The following ABCG2 variants were observed in gnomAD, a reference collection of about 807,000 sequenced individuals.
ABCG2 encodes the protein broad substrate specificity ATP-binding cassette transporter ABCG2.
A neutral mutation model predicts 73.5 loss-of-function variants in ABCG2; 80 were observed. The observed-to-expected ratio is 1.09, with a 90% CI of 0.91 to 1.31. The LOEUF (loss-of-function observed/expected upper bound fraction) is 1.31. Ranked by LOEUF, ABCG2 falls within the 50% of genes most tolerant of loss-of-function variation. The pLI is 0.00. For missense variants in ABCG2, 796 were observed against 786.2 expected (o/e 1.01, Z -0.15); for synonymous variants, 269 against 282.4 (o/e 0.95, Z 0.48).
chr4:88,141,727 C>T (rs1372408371), intron 1 of ABCG2, among the ~76,000 whole-genome samples: 1 of 152,048 alleles, frequency 6.6e-6, no homozygotes, highest in Non-Finnish European at 1.5e-5. Context: ...ATTCACGAAT[C>T]ATAAGTTTAA....
At chr4:88,128,335 T>C (rs1365263151) in intron 5 of ABCG2, among the ~76,000 whole-genome samples, 1 of 152,206 alleles carries the variant, frequency 6.6e-6, no homozygotes, top group African/African-American at 2.4e-5. Flanking sequence ...GAGTGTAAAT[T>C]AGTTCAACCA....
chr4:88,120,479 G>T (rs1218472088), intron 6 of ABCG2, among the ~76,000 whole-genome samples: 1 of 152,186 alleles, frequency 6.6e-6, no homozygotes, highest in East Asian at 1.9e-4. Flanking sequence ...AAATCCACAA[G>T]GCCAGAGCCT....
At chr4:88,176,284 T>C (rs779041435) in intron 1 of ABCG2, among the ~76,000 whole-genome samples, 15 of 151,954 alleles carry the variant, frequency 9.9e-5, no homozygotes, top group Non-Finnish European at 1.9e-4. Flanking sequence ...TGTGAGCCAC[T>C]GTACCCAGCC....
intron 1 of ABCG2, among the ~76,000 whole-genome samples, chr4:88,219,156 A>G (rs1306753143): frequency 6.6e-6 from 1 of 152,224 alleles, no homozygotes; most frequent in East Asian, 1.9e-4. Flanking sequence ...TTTGATTTTT[A>G]CTTTTGAGTA....
chr4:88,126,513 A>T (rs948769677), intron 5 of ABCG2, among the ~76,000 whole-genome samples: 5 of 152,220 alleles, frequency 3.3e-5, no homozygotes, highest in African/African-American at 1.2e-4. Context: ...ATCAACATCA[A>T]TGTGAATATC....
intron 1 of ABCG2, among the ~76,000 whole-genome samples, chr4:88,226,342 G>C (rs544519871): frequency 3.3e-5 from 5 of 152,292 alleles, no homozygotes; most frequent in African/African-American, 1.2e-4. Context: ...TGACAGCCCA[G>C]GACAATTAGT....
chr4:88,230,674 T>C (rs192062019), intron 1 of ABCG2, among the ~76,000 whole-genome samples: 79 of 152,186 alleles, frequency 5.2e-4, no homozygotes, highest in Admixed American at 1.4e-3. Flanking sequence ...ACATAAATCA[T>C]GTGTTCAGCC....
intron 12 of ABCG2, among the ~76,000 whole-genome samples, 162 bp downstream of exon 12, chr4:88,099,162 C>G (rs1022419423): frequency 1.2e-4 from 19 of 152,174 alleles, no homozygotes; most frequent in Non-Finnish European, 2.6e-4. Flanking sequence ...AAATAGCTGA[C>G]AGTGAACAAC....
chr4:88,135,386 G>T (rs927209282), intron 2 of ABCG2, among the ~76,000 whole-genome samples: 1 of 152,176 alleles, frequency 6.6e-6, no homozygotes, highest in African/African-American at 2.4e-5. Context: ...CATGAACCTG[G>T]AACACAGGGA....
chr4:88,143,257 C>T (rs949715825), intron 1 of ABCG2, among the ~76,000 whole-genome samples: 2 of 152,136 alleles, frequency 1.3e-5, no homozygotes, highest in Non-Finnish European at 2.9e-5. Context: ...GTATGGACTT[C>T]ACACCTTTAC....
At chr4:88,181,306 A>G (rs1560741399) in intron 1 of ABCG2, among the ~76,000 whole-genome samples, 1 of 150,204 alleles carries the variant, frequency 6.7e-6, no homozygotes, top group East Asian at 2.0e-4. Context: ...AGGCTGAGGC[A>G]GGAGAATTGC....
intron 1 of ABCG2, among the ~76,000 whole-genome samples, chr4:88,177,800 T>C (rs1292136867): frequency 6.6e-6 from 1 of 152,050 alleles, no homozygotes; most frequent in African/African-American, 2.4e-5. Context: ...GGACTTCGCA[T>C]TGGAACTCAG....
rs770985871 is a variant in ABCG2 at position 88,131,188 on chromosome 4, G to A, written c.404C>T (p.Thr135Met). 36 of 1,613,760 alleles carry A rather than the reference G, an allele frequency of 2.2e-5. No individual in the cohort carries two copies. In the East Asian group the frequency reaches 2.5e-4, roughly 11 times the overall value. ...VQDDVVMGTL[T>M]VRENLQFSAA... Reference sequence around the variant, plus strand: ...TGAGAACTGTAAGTTTTCTCTCACCGTCAGAGTGCCCATCACAACATCATC... The same window carrying A: ...TGAGAACTGTAAGTTTTCTCTCACCATCAGAGTGCCCATCACAACATCATC... The change falls in exon 5 of 16, where the codon ACG becomes ATG. Residue 135 changes from threonine (T) to methionine (M), a missense_variant. Transcript: ENST00000237612.
chr4:88,139,880 A>G lies in ABCG2; in HGVS notation c.116T>C (p.Phe39Ser). The change falls in exon 2 of 16, where the codon TTT becomes TCT. Residue 39 changes from phenylalanine (F) to serine (S), a missense_variant. By Grantham distance (155) the Phe-to-Ser change is radical. Transcript: ENST00000237612. The stretch of plus-strand genomic sequence containing the variant: ...TTTTACTCGATAGCAGATGTTATGA[A>G]AACTTAACACAGCTCCTTCAGTAAA... ...KAFTEGAVLS[F>S]HNICYRVKLK... 6.2e-7 allele frequency: 1 copy of G among 1,614,190 alleles called. No individual in the cohort carries two copies. The highest frequency in any genetic ancestry group is 8.5e-7 in the Non-Finnish European group (1 of 1,180,034).
chr4:88,199,723 G>C (rs1294702829), intron 1 of ABCG2, among the ~76,000 whole-genome samples: 1 of 152,212 alleles, frequency 6.6e-6, no homozygotes, highest in African/African-American at 2.4e-5. Context: ...ATTTAGGCCG[G>C]GCGCAGTGGC....
chr4:88,139,743 T>C (rs1192693916), intron 2 of ABCG2, 50 bp downstream of exon 2: 2 of 1,534,056 alleles, frequency 1.3e-6, no homozygotes, highest in Non-Finnish European at 1.8e-6. Context: ...CCTGTGAGGT[T>C]CACTGTAGGT....
chr4:88,200,455 C>T (rs1729111825), intron 1 of ABCG2, among the ~76,000 whole-genome samples: 1 of 152,034 alleles, frequency 6.6e-6, no homozygotes, highest in African/African-American at 2.4e-5. Flanking sequence ...AGGCATTGGC[C>T]ACCATGTGTA....
intron 5 of ABCG2, among the ~76,000 whole-genome samples, chr4:88,122,252 C>A (rs1156971766): frequency 6.6e-6 from 1 of 152,150 alleles, no homozygotes; most frequent in Non-Finnish European, 1.5e-5. Context: ...TGGGCAGACA[C>A]TGAGACAGCT....
chr4:88,207,301 T>A (rs1729417080), intron 1 of ABCG2, among the ~76,000 whole-genome samples: 1 of 150,670 alleles, frequency 6.6e-6, no homozygotes, highest in Admixed American at 6.6e-5. Flanking sequence ...TCCTACTTAC[T>A]GATTTTTTTT....
Sources: gnomAD v4.1 joint callset for allele counts (sites outside exome capture counted in the v4.1 genomes callset) on GRCh38, gnomAD v4.1.1 for gene constraint, MANE v1.5 for transcripts, NCBI Gene and HGNC (gene_info 2026-07-23, HGNC 2026-07-21) for gene names.